The following RCOR3 variants were observed in gnomAD, a reference collection of about 807,000 sequenced individuals.
RCOR3 encodes the protein REST corepressor 3.
Under a neutral mutation model 64.1 loss-of-function variants are expected in RCOR3, and 13 were observed. The observed-to-expected ratio is 0.20, with a 90% CI of 0.13 to 0.32. RCOR3 has a LOEUF of 0.32. Among genes scored for constraint, RCOR3 ranks in the 10% least tolerant of loss-of-function variants. RCOR3 has a pLI of 1.00. For synonymous variants in RCOR3, 215 were observed against 239.0 expected (o/e 0.90, Z 0.93); for missense variants, 489 against 701.2 (o/e 0.70, Z 3.42).
At chr1:211,276,578 C>T (rs950736082) in intron 5 of RCOR3, among the ~76,000 whole-genome samples, 160 bp downstream of exon 5, 1 of 152,172 alleles carries the variant, frequency 6.6e-6, no homozygotes, top group Non-Finnish European at 1.5e-5. Flanking sequence ...TCTGCAACCA[C>T]TCTTACATGA....
At chr1:211,295,042 T>C (rs12728519) in intron 8 of RCOR3, among the ~76,000 whole-genome samples, 65 of 122,182 alleles carry the variant, frequency 5.3e-4, no homozygotes, top group Middle Eastern at 3.9e-3. Context: ...CATGACCAGC[T>C]AATTTTTTTT....
At chr1:211,297,391 G>C (rs111618976) in intron 9 of RCOR3, among the ~76,000 whole-genome samples, 3 of 152,080 alleles carry the variant, frequency 2.0e-5, no homozygotes, top group Non-Finnish European at 2.9e-5. Context: ...TGTTCAAGGT[G>C]ACAGAACTAG....
chr1:211,279,995 T>A (rs1558066659), intron 7 of RCOR3, among the ~76,000 whole-genome samples: 1 of 152,226 alleles, frequency 6.6e-6, no homozygotes, highest in Non-Finnish European at 1.5e-5. Context: ...CTGTAGTCCT[T>A]AAGTGCCTCA....
intron 10 of RCOR3, among the ~76,000 whole-genome samples, chr1:211,310,323 G>T (rs1364816230): frequency 6.6e-6 from 1 of 152,166 alleles, no homozygotes; most frequent in African/African-American, 2.4e-5. Flanking sequence ...GAGGGGATTA[G>T]AACAAATGTG....
intron 10 of RCOR3, 66 bp downstream of exon 10, chr1:211,304,206 C>G: frequency 1.8e-6 from 2 of 1,128,604 alleles, no homozygotes; most frequent in South Asian, 1.7e-5. Context: ...GGTGACTACT[C>G]TAGTTCTTCC....
At chr1:211,297,816 A>G (rs1699995479) in intron 9 of RCOR3, among the ~76,000 whole-genome samples, 1 of 152,224 alleles carries the variant, frequency 6.6e-6, no homozygotes, top group African/African-American at 2.4e-5. Flanking sequence ...TCAGATTAAC[A>G]AGTACAGTAA....
rs1398295830 is a variant in RCOR3 at position 211,314,270 on chromosome 1, A to G, written c.*502A>G. ...AATAGCCAGCATTTCCGATTTTGACATATGTTCATTTTATGCATATTTAAG... is the reference window on the plus strand; with the variant it reads ...AATAGCCAGCATTTCCGATTTTGACGTATGTTCATTTTATGCATATTTAAG... On this transcript the variant is annotated 3_prime_UTR_variant, in exon 12 of 12. Transcript: ENST00000419091. 2.0e-5 allele frequency: 3 copies of G among 152,190 alleles called. No individual in the cohort carries two copies. The highest frequency in any genetic ancestry group is 1.9e-4 in the East Asian group (1 of 5,202). The allele number at this position is 152,190 out of a possible 1,614,324, so 9.4% of individuals were successfully genotyped here.
Position 211,259,449 on chromosome 1 carries a change from G to T in RCOR3, c.-112G>T. ...AACAGCCTCCTCCTCCTCCGCCGCC[G>T]CCGCCGTCTCCTCCTCCTCCTCCTT... On this transcript the variant is annotated 5_prime_UTR_variant, in exon 1 of 12. Transcript: ENST00000419091. The T allele has an allele frequency of 9.0e-7, 1 of 1,106,562 alleles. No homozygotes were observed. Among genetic ancestry groups the T allele is most frequent in the Non-Finnish European group, 1.3e-6 (1 of 792,970 alleles). The allele number at this position is 1,106,562 out of a possible 1,614,324, so 68.5% of individuals were successfully genotyped here.
intron 10 of RCOR3, among the ~76,000 whole-genome samples, chr1:211,309,026 T>A (rs1258351328): frequency 7.1e-6 from 1 of 141,208 alleles, no homozygotes; most frequent in African/African-American, 2.6e-5. Context: ...AATCAAATTT[T>A]AAAAAATTGT....
At position 211,259,576 on chromosome 1, in the gene RCOR3, G is replaced by A. The variant is rs1693805343; in HGVS notation, c.16G>A (p.Glu6Lys). 1.3e-6 allele frequency: 2 copies of A among 1,546,986 alleles called. No homozygotes were observed. Among genetic ancestry groups the A allele is most frequent in the Admixed American group, 2.0e-5 (1 of 50,790 alleles). ...CTGTTCTACCATGCCCGGCATGATG[G>A]AGAAAGGGCCCGAGTTACTGGGGAA... MPGMM[E>K]KGPELLGKNR... Residue 6 changes from glutamate (E) to lysine (K), a missense_variant, in exon 1 of 12, where the codon GAG becomes AAG. Transcript: ENST00000419091.
At chr1:211,279,128 A>G (rs1697415203) in intron 6 of RCOR3, 110 bp from the exon 7 acceptor site, 1 of 623,410 alleles carries the variant, frequency 1.6e-6, no homozygotes, top group Non-Finnish European at 2.8e-6. Flanking sequence ...CAGAGGTTGC[A>G]GTGAGCCAAG....
rs939786876 is a variant in RCOR3 at position 211,260,174 on chromosome 1, T to C, written c.223+10T>C. The C allele has an allele frequency of 6.2e-6, 10 of 1,611,528 alleles. No homozygotes were observed. The highest frequency in any genetic ancestry group is 8.5e-6 in the Non-Finnish European group (10 of 1,178,078). ...CCTGAATTTGATCCAGGTAGATATATTTGCTTAAGCAAAATCTCATATCCC... is the reference window on the plus strand; with the variant it reads ...CCTGAATTTGATCCAGGTAGATATACTTGCTTAAGCAAAATCTCATATCCC... On this transcript the variant is annotated intron_variant, in intron 2 of 11. Transcript: ENST00000419091.
chr1:211,278,870 G>T (rs1005176539), intron 6 of RCOR3, among the ~76,000 whole-genome samples: 27 of 152,050 alleles, frequency 1.8e-4, no homozygotes, highest in Admixed American at 4.6e-4. Flanking sequence ...ATTACAGTTT[G>T]ATAAGAGCAC....
Position 211,312,277 on chromosome 1 carries a change from A to G in RCOR3, c.1076-443A>G. On this transcript the variant is annotated intron_variant, in intron 10 of 11. Coordinates refer to ENST00000419091, the MANE Select transcript of RCOR3 (RefSeq NM_001136223.3). This position sits in a 1 kb window ranked among gnomAD's most constrained non-coding sequence, Gnocchi z 5.0. ...TAATGGGGGAACCCTAAGGCTACTC[A>G]CTCAGTCCATTGAGGGGATAAGAGA... 2.3e-6 allele frequency: 1 copy of G among 435,250 alleles called. No individual in the cohort carries two copies. The highest frequency in any genetic ancestry group is 4.7e-6 in the Non-Finnish European group (1 of 211,130). The allele number at this position is 435,250 out of a possible 1,614,324, so 27.0% of individuals were successfully genotyped here.
At chr1:211,309,818 C>T (rs1376985273) in intron 10 of RCOR3, among the ~76,000 whole-genome samples, 2 of 152,186 alleles carry the variant, frequency 1.3e-5, no homozygotes, top group African/African-American at 2.4e-5. Flanking sequence ...TGCTGCTTAT[C>T]ACTACCACCT....
intron 7 of RCOR3, 61 bp from the exon 8 acceptor site, chr1:211,289,117 G>A: frequency 7.8e-7 from 1 of 1,282,064 alleles, no homozygotes; most frequent in South Asian, 1.2e-5. Flanking sequence ...TTAATAGACT[G>A]TTTTCACTTT....
At chr1:211,285,834 AAGT>A (rs1698445504) in intron 7 of RCOR3, among the ~76,000 whole-genome samples, 1 of 152,108 alleles carries the variant, frequency 6.6e-6, no homozygotes, top group Non-Finnish European at 1.5e-5. Flanking sequence ...AATTACTGAG[AAGT>A]AGTTTTTTAT....
chr1:211,289,548 T>TAG (rs2102572538), intron 8 of RCOR3, 152 bp downstream of exon 8: 2 of 638,720 alleles, frequency 3.1e-6, no homozygotes, highest in African/African-American at 3.7e-5. Context: ...AAGTCCAACT[T>TAG]AGAAGATACC....
intron 7 of RCOR3, among the ~76,000 whole-genome samples, chr1:211,281,564 G>A (rs2102526780): frequency 6.6e-6 from 1 of 152,264 alleles, no homozygotes; most frequent in South Asian, 2.1e-4. Context: ...GGTGTCGTCT[G>A]TAGGATAAAA....
Sources: gnomAD v4.1 joint callset for allele counts (sites outside exome capture counted in the v4.1 genomes callset) on GRCh38, gnomAD v4.1.1 for gene constraint, Gnocchi (gnomAD v3.1) non-coding constraint, MANE v1.5 for transcripts, NCBI Gene and HGNC (gene_info 2026-07-23, HGNC 2026-07-21) for gene names.